The following RPTOR variants were observed in gnomAD, a reference collection of about 807,000 sequenced individuals.
RPTOR encodes the protein regulatory associated protein of MTOR complex 1.
In RPTOR, 21 loss-of-function variants were observed where a neutral mutation model predicts 169.9. That is an observed-to-expected ratio of 0.12 (90% CI 0.09 to 0.18). RPTOR has a LOEUF of 0.18. RPTOR is among the 10% of genes least tolerant of loss of function. RPTOR has a pLI of 1.00. For missense variants in RPTOR, 1,133 were observed against 1,855.9 expected, an observed-to-expected ratio of 0.61 and a Z score of 7.16; for synonymous variants, 732 against 753.2, an observed-to-expected ratio of 0.97 and a Z score of 0.46.
At chr17:80,774,170 T>C (rs2066871249) in intron 6 of RPTOR, 1 of 985,292 alleles carries the variant, frequency 1.0e-6, no homozygotes. Flanking sequence ...GCGGGGACTC[T>C]GGGAGTCTGG....
chr17:80,800,391 C>T (rs2067144872), intron 7 of RPTOR, among the ~76,000 whole-genome samples: 1 of 152,166 alleles, frequency 6.6e-6, no homozygotes, highest in Non-Finnish European at 1.5e-5. Context: ...TAACCCCTTC[C>T]GAGCTTTCGC....
At chr17:80,579,811 G>A (rs192849745) in intron 1 of RPTOR, among the ~76,000 whole-genome samples, 4 of 152,228 alleles carry the variant, frequency 2.6e-5, no homozygotes, top group East Asian at 3.9e-4. Flanking sequence ...TACTAGAGTC[G>A]AGGATTTCAG....
intron 10 of RPTOR, 89 bp from the exon 11 acceptor site, chr17:80,846,384 C>G: frequency 7.5e-7 from 1 of 1,339,854 alleles, no homozygotes; most frequent in Non-Finnish European, 1.1e-6. Flanking sequence ...TTCGTGAAGG[C>G]TTGGATGCCC....
chr17:80,760,001 C>T (rs918159446), intron 6 of RPTOR, among the ~76,000 whole-genome samples: 1 of 152,108 alleles, frequency 6.6e-6, no homozygotes, highest in African/African-American at 2.4e-5. Context: ...GAGTTCCCTG[C>T]CCTAGATCAT....
intron 24 of RPTOR, among the ~76,000 whole-genome samples, chr17:80,932,379 A>G (rs1287167706): frequency 6.6e-6 from 1 of 152,134 alleles, no homozygotes; most frequent in African/African-American, 2.4e-5. Context: ...ATGCCCCCAA[A>G]AATATAAGAC....
In RPTOR at chr17:80,945,797, G is replaced by A. The variant is rs1390616481; in HGVS notation, c.3140+16G>A. 6.6e-7 allele frequency: 1 copy of A among 1,507,918 alleles called. No homozygotes were observed. The allele number at this position is 1,507,918 out of a possible 1,614,324, so 93.4% of individuals were successfully genotyped here. A position where few individuals can be genotyped will look rare whatever the true frequency, so the allele number is the denominator to read the frequency against. On this transcript the variant is annotated intron_variant, in intron 26 of 33. Transcript: ENST00000306801. ...ACAGCATCTGGTATGCACCGCGCTG[G>A]TCAGGCCTCCCTTCCGGCTGACCGA... is the stretch of plus-strand genomic sequence containing the variant.
chr17:80,760,880 A>G (rs1241596137), intron 6 of RPTOR, among the ~76,000 whole-genome samples: 1 of 152,248 alleles, frequency 6.6e-6, no homozygotes, highest in East Asian at 1.9e-4. Context: ...CTGGGTAAAC[A>G]ACATACAGCT....
intron 3 of RPTOR, among the ~76,000 whole-genome samples, chr17:80,647,756 G>T (rs573895817): frequency 6.6e-6 from 1 of 152,314 alleles, no homozygotes; most frequent in East Asian, 1.9e-4. Flanking sequence ...GAGCCACGTT[G>T]TTGTAGGAGC....
chr17:80,596,715 A>G (rs1371414487), intron 1 of RPTOR, among the ~76,000 whole-genome samples: 2 of 152,210 alleles, frequency 1.3e-5, no homozygotes, highest in Non-Finnish European at 2.9e-5. Flanking sequence ...ATATCTCATT[A>G]GATAAGGCCT....
At chr17:80,791,603 A>G (rs2067049738) in intron 7 of RPTOR, 94 bp downstream of exon 7, 2 of 1,064,602 alleles carry the variant, frequency 1.9e-6, no homozygotes, top group South Asian at 3.0e-5. Context: ...ACTTTCTATC[A>G]ACATGGCATG....
rs183883030 is a variant in RPTOR, at chr17:80,873,848, G to A, written c.1510-6567G>A. On this transcript the variant is annotated intron_variant, in intron 13 of 33. Coordinates refer to ENST00000306801, the MANE Select transcript of RPTOR (RefSeq NM_020761.3). ...GGCATTGCTTACCATGACTCAGCGT[G>A]GCCTCAGGGACAGTGCGTCAGGCCC... Among the ~76,000 whole-genome samples, 4 of 152,340 alleles carry A rather than the reference G, an allele frequency of 2.6e-5. No individual in the cohort carries two copies. In the East Asian group the frequency reaches 7.7e-4, roughly 29 times the overall value.
chr17:80,770,945 C>T (rs576643886), intron 6 of RPTOR, among the ~76,000 whole-genome samples: 5 of 152,376 alleles, frequency 3.3e-5, no homozygotes, highest in East Asian at 3.9e-4. Context: ...CAGCATACAG[C>T]GTGTGCTGCC....
At chr17:80,909,024 C>T (rs1357365774) in intron 21 of RPTOR, 95 bp downstream of exon 21, 12 of 833,240 alleles carry the variant, frequency 1.4e-5, no homozygotes, top group Admixed American at 9.7e-5. Context: ...GTCCACACCA[C>T]AGTTTAGAAA....
chr17:80,583,206 T>TTTTTTTTTTTA (rs2065031955), intron 1 of RPTOR, among the ~76,000 whole-genome samples: 1 of 148,436 alleles, frequency 6.7e-6, no homozygotes, highest in Admixed American at 6.7e-5. Context: ...TTTTTTTTTT[T>TTTTTTTTTTTA]GAGACAGAGT....
In RPTOR at chr17:80,966,167, G is replaced by A. The variant is rs1030428287; in HGVS notation, c.*1837G>A. 20 of 167,590 alleles carry A rather than the reference G, an allele frequency of 1.2e-4. No individual in the cohort carries two copies. Among genetic ancestry groups the A allele is most frequent in the Admixed American group, 1.2e-3 (13 of 11,214 alleles). The allele number at this position is 167,590 out of a possible 1,614,324, so 10.4% of individuals were successfully genotyped here. A position where few individuals can be genotyped will look rare whatever the true frequency, so the allele number is the denominator to read the frequency against. ...TGGAGCCCACCCCCATGGGCACCGC[G>A]TGCCGCCTGCACGTGGGCTGTCTTC... On this transcript the variant is annotated 3_prime_UTR_variant, in exon 34 of 34. Coordinates refer to ENST00000306801, the MANE Select transcript of RPTOR (RefSeq NM_020761.3).
chr17:80,771,842 C>T (rs9989442), intron 6 of RPTOR, among the ~76,000 whole-genome samples: 41,548 of 152,100 alleles, frequency 0.27, 5,851 homozygotes, highest in African/African-American at 0.33. Flanking sequence ...CTGACGTGCC[C>T]GTCTTCTCGC....
chr17:80,701,099 G>A (rs2143062554), intron 3 of RPTOR, among the ~76,000 whole-genome samples: 1 of 152,252 alleles, frequency 6.6e-6, no homozygotes, highest in Admixed American at 6.5e-5. Flanking sequence ...TATGGATTGA[G>A]GAGAGAGGGG....
chr17:80,702,637 T>C (rs941032461), intron 3 of RPTOR, among the ~76,000 whole-genome samples: 1 of 152,238 alleles, frequency 6.6e-6, no homozygotes, highest in Non-Finnish European at 1.5e-5. Flanking sequence ...GCGCCTTTCA[T>C]GCTAGTCCAT....
chr17:80,889,702 A>T (rs2068292288), intron 17 of RPTOR, among the ~76,000 whole-genome samples: 1 of 152,172 alleles, frequency 6.6e-6, no homozygotes, highest in Non-Finnish European at 1.5e-5. Flanking sequence ...AGCTCCATTC[A>T]GGAAGGGCAG....
Sources: allele counts gnomAD v4.1 joint callset (sites outside exome capture counted in the v4.1 genomes callset), GRCh38; gene constraint gnomAD v4.1.1; transcripts MANE v1.5; gene names NCBI Gene and HGNC (gene_info 2026-07-23, HGNC 2026-07-21).